Variants in NTRK3 observed in about 807,000 individuals in gnomAD.
The protein encoded by NTRK3 is NT-3 growth factor receptor.
Under a neutral mutation model 91.7 loss-of-function variants are expected in NTRK3, and 24 were observed. That is an observed-to-expected ratio of 0.26 (90% confidence interval 0.19 to 0.37). NTRK3 has a LOEUF of 0.37. NTRK3 is among the 10% of genes least tolerant of loss of function. The pLI is 1.00. For missense variants in NTRK3, 880 were observed against 1,068.9 expected, an observed-to-expected ratio of 0.82 and a Z score of 2.46; for synonymous variants, 483 against 404.0, an observed-to-expected ratio of 1.20 and a Z score of -2.34.
chr15:88,039,349 A>G (rs1321470168), intron 13 of NTRK3, among the ~76,000 whole-genome samples: 1 of 152,238 alleles, frequency 6.6e-6, no homozygotes, highest in Non-Finnish European at 1.5e-5. Flanking sequence ...AGGTCTGCAC[A>G]GACTCTCAAT....
chr15:88,012,808 A>T (rs1389855827), intron 14 of NTRK3, among the ~76,000 whole-genome samples: 1 of 152,254 alleles, frequency 6.6e-6, no homozygotes, highest in African/African-American at 2.4e-5. Flanking sequence ...GTGCATCGGA[A>T]TCACCCAGAG....
At chr15:88,218,764 C>A (rs537896808) in intron 3 of NTRK3, among the ~76,000 whole-genome samples, 17 of 152,242 alleles carry the variant, frequency 1.1e-4, no homozygotes, top group Non-Finnish European at 1.6e-4. Context: ...AGGATCAGCA[C>A]CTGCATCTGC....
chr15:87,950,203 C>T (rs1363288811), intron 14 of NTRK3, among the ~76,000 whole-genome samples: 1 of 152,192 alleles, frequency 6.6e-6, no homozygotes, highest in Non-Finnish European at 1.5e-5. Context: ...GGTTGCAGGG[C>T]ACTGGAGCCA....
At chr15:88,196,040 T>C (rs1247172180) in intron 3 of NTRK3, among the ~76,000 whole-genome samples, 1 of 152,200 alleles carries the variant, frequency 6.6e-6, no homozygotes, top group Non-Finnish European at 1.5e-5. Flanking sequence ...TAAAGGCGAA[T>C]TGGTGAGTGA....
At chr15:88,127,357 T>C in intron 11 of NTRK3, 131 bp from the exon 12 acceptor site, 1 of 777,364 alleles carries the variant, frequency 1.3e-6, no homozygotes, top group Non-Finnish European at 2.3e-6. Flanking sequence ...AGCCAGGCTC[T>C]TGCAGTCTGC....
At chr15:88,053,964 A>G (rs754033730) in intron 13 of NTRK3, among the ~76,000 whole-genome samples, 2 of 152,198 alleles carry the variant, frequency 1.3e-5, no homozygotes, top group Non-Finnish European at 2.9e-5. Flanking sequence ...AAGCTGATAG[A>G]AAGGTTTGCT....
chr15:88,012,799 T>C (rs973755843), intron 14 of NTRK3, among the ~76,000 whole-genome samples: 1 of 152,268 alleles, frequency 6.6e-6, no homozygotes, highest in Non-Finnish European at 1.5e-5. Context: ...TACTTTGATG[T>C]GCATCGGAAT....
intron 13 of NTRK3, among the ~76,000 whole-genome samples, chr15:88,039,674 G>A (rs778185704): frequency 1.3e-5 from 2 of 152,202 alleles, no homozygotes; most frequent in Non-Finnish European, 2.9e-5. Context: ...TAAAGAAATA[G>A]CACTTGAACA....
At chr15:87,908,844 C>G (rs1269600883) in intron 17 of NTRK3, among the ~76,000 whole-genome samples, 1 of 152,056 alleles carries the variant, frequency 6.6e-6, no homozygotes, top group Non-Finnish European at 1.5e-5. Flanking sequence ...TGACACCACT[C>G]CCAGCACATG....
intron 17 of NTRK3, among the ~76,000 whole-genome samples, chr15:87,913,588 A>T (rs751486838): frequency 3.3e-5 from 5 of 152,294 alleles, no homozygotes; most frequent in Admixed American, 6.5e-5. Context: ...CAGGCACTTG[A>T]AATCTATTAA....
chr15:88,178,176 G>C (rs1055243252), intron 5 of NTRK3, among the ~76,000 whole-genome samples: 4 of 152,196 alleles, frequency 2.6e-5, no homozygotes, highest in Admixed American at 6.5e-5. Context: ...AAGTCTCAGT[G>C]CAGAGGTAAG....
At chr15:88,061,830 G>C (rs2046246462) in intron 13 of NTRK3, among the ~76,000 whole-genome samples, 1 of 152,122 alleles carries the variant, frequency 6.6e-6, no homozygotes, top group African/African-American at 2.4e-5. Flanking sequence ...GCTGGGCTTG[G>C]GACTCAGCTC....
intron 13 of NTRK3, among the ~76,000 whole-genome samples, chr15:88,037,771 T>A (rs1170462609): frequency 1.3e-5 from 2 of 152,174 alleles, no homozygotes; most frequent in Non-Finnish European, 2.9e-5. Context: ...ATGCTGATGA[T>A]TGTAATAATT....
chr15:87,973,938 AG>A (rs1322834887), intron 14 of NTRK3, among the ~76,000 whole-genome samples: 1 of 152,152 alleles, frequency 6.6e-6, no homozygotes, highest in Non-Finnish European at 1.5e-5. Context: ...TAAACCCTGA[AG>A]GAACAAAGGC....
At position 87,940,522 on chromosome 15, in the gene NTRK3, C is replaced by T. The variant is rs546002156; in HGVS notation, c.1716+101G>A. ...AGTCCTTTGATTGCATCTGAGAAAG[C>T]CAATTGAGCACTATCTTCTCAAATG... On this transcript the variant is annotated intron_variant, in intron 15 of 18. Transcript: ENST00000394480. 1.3e-5 allele frequency: 20 copies of T among 1,568,194 alleles called. No homozygotes were observed. In the South Asian group the frequency reaches 1.7e-4, roughly 13 times the overall value.
At chr15:88,168,891 G>A (rs368108991) in intron 5 of NTRK3, among the ~76,000 whole-genome samples, 7 of 152,358 alleles carry the variant, frequency 4.6e-5, no homozygotes, top group African/African-American at 1.7e-4. Flanking sequence ...TGTAGTTCAG[G>A]CCAACTCACT....
chr15:88,149,494 A>C (rs1344226292), intron 5 of NTRK3, among the ~76,000 whole-genome samples: 1 of 152,218 alleles, frequency 6.6e-6, no homozygotes, highest in South Asian at 2.1e-4. Context: ...CTCTGGTATG[A>C]CAGCACATGC....
intron 13 of NTRK3, among the ~76,000 whole-genome samples, chr15:88,034,945 G>A (rs1372208302): frequency 2.6e-5 from 4 of 151,952 alleles, no homozygotes. Flanking sequence ...GGAAAACTAA[G>A]CACTGGTTTT....
chr15:87,905,554 A>G (rs938367869), intron 17 of NTRK3, among the ~76,000 whole-genome samples: 13 of 152,232 alleles, frequency 8.5e-5, no homozygotes, highest in Non-Finnish European at 8.8e-5. Flanking sequence ...GATGTGGTCC[A>G]GAGACATCCT....
Sources: allele counts gnomAD v4.1 joint callset (sites outside exome capture counted in the v4.1 genomes callset), GRCh38; gene constraint gnomAD v4.1.1; transcripts MANE v1.5; gene names NCBI Gene and HGNC (gene_info 2026-07-23, HGNC 2026-07-21).